Variants in TRHDE observed in about 807,000 individuals in gnomAD.
The protein encoded by TRHDE is thyrotropin-releasing hormone-degrading ectoenzyme.
TRHDE carries 72 observed loss-of-function variants against 125.7 expected under a neutral mutation model. The observed-to-expected ratio is 0.57, with a 90% CI of 0.47 to 0.70. The LOEUF (loss-of-function observed/expected upper bound fraction) is 0.70. TRHDE is among the 30% of genes least tolerant of loss of function. The pLI, the probability that TRHDE is intolerant of heterozygous loss-of-function variation, is 0.00. For missense variants in TRHDE, 1,110 were observed against 1,327.1 expected, an observed-to-expected ratio of 0.84 and a Z score of 2.54; for synonymous variants, 509 against 509.1, an observed-to-expected ratio of 1.00 and a Z score of 0.00.
intron 12 of TRHDE, among the ~76,000 whole-genome samples, chr12:72,593,784 C>G (rs61926612): frequency 6.6e-6 from 1 of 152,082 alleles, no homozygotes; most frequent in Non-Finnish European, 1.5e-5. Flanking sequence ...TCTGTCCTTG[C>G]GACAGTTTGC....
chr12:72,320,373 T>G (rs1415542042), intron 2 of TRHDE, among the ~76,000 whole-genome samples: 1 of 152,180 alleles, frequency 6.6e-6, no homozygotes, highest in Non-Finnish European at 1.5e-5. Context: ...CCTAAAATAA[T>G]GTAAATGTTA....
chr12:72,659,067 CT>C (rs1874814669), intron 18 of TRHDE, among the ~76,000 whole-genome samples: 1 of 152,134 alleles, frequency 6.6e-6, no homozygotes, highest in African/African-American at 2.4e-5. Context: ...ATGACATATT[CT>C]TATTTCCAAG....
intron 12 of TRHDE, among the ~76,000 whole-genome samples, chr12:72,586,197 C>T (rs1441094197): frequency 2.0e-5 from 3 of 152,038 alleles, no homozygotes; most frequent in Non-Finnish European, 4.4e-5. Context: ...TTACACTAGT[C>T]ATAAATATAA....
intron 3 of TRHDE, among the ~76,000 whole-genome samples, chr12:72,393,428 G>A (rs1872678278): frequency 6.6e-6 from 1 of 152,192 alleles, no homozygotes; most frequent in South Asian, 2.1e-4. Context: ...CCTCTGTGTA[G>A]TAGAGCTATC....
chr12:72,383,893 C>G (rs1464385556), intron 3 of TRHDE, among the ~76,000 whole-genome samples: 1 of 151,974 alleles, frequency 6.6e-6, no homozygotes, highest in Non-Finnish European at 1.5e-5. Context: ...ATTCAGAGAT[C>G]AAAATATAGC....
rs376834637 is a variant in TRHDE at position 72,298,145 on chromosome 12, A to G, written c.1188+11191A>G. ...GAAGAGGCTAATAGAAGCTAATAGA[A>G]AGAGCTTGAAGTGAAAAACAAACAA... On this transcript the variant is annotated intron_variant, in intron 2 of 18. Coordinates refer to ENST00000261180, the MANE Select transcript of TRHDE (RefSeq NM_013381.3). Among the ~76,000 whole-genome samples, 8 of 152,206 alleles carry G rather than the reference A, an allele frequency of 5.3e-5. No homozygotes were observed. In the East Asian group the frequency reaches 7.7e-4, roughly 15 times the overall value.
At chr12:72,202,425 T>G (rs1186755666) in intron 2 of TRHDE, among the ~76,000 whole-genome samples, 4 of 152,230 alleles carry the variant, frequency 2.6e-5, no homozygotes, top group Non-Finnish European at 4.4e-5. Context: ...TCTAAATTAA[T>G]TTTTGTTTTT....
chr12:72,382,242 C>T (rs1055246201), intron 3 of TRHDE, among the ~76,000 whole-genome samples: 3 of 151,966 alleles, frequency 2.0e-5, no homozygotes, highest in Admixed American at 1.3e-4. Flanking sequence ...TTAATTGATG[C>T]TAGCAATATG....
chr12:72,241,708 A>G (rs1047451195), intron 2 of TRHDE, among the ~76,000 whole-genome samples: 1 of 152,190 alleles, frequency 6.6e-6, no homozygotes, highest in Non-Finnish European at 1.5e-5. Context: ...TTAACTTCAT[A>G]AGAAGCTGCC....
At chr12:72,265,617 A>G (rs557323631) in intron 2 of TRHDE, among the ~76,000 whole-genome samples, 116 of 151,996 alleles carry the variant, frequency 7.6e-4, no homozygotes, top group Non-Finnish European at 1.5e-3. Context: ...CAGATCTAGT[A>G]CCTGAAGAAA....
intron 2 of TRHDE, among the ~76,000 whole-genome samples, chr12:72,229,756 TA>T (rs1476177734): frequency 3.3e-5 from 5 of 151,948 alleles, no homozygotes; most frequent in African/African-American, 1.2e-4. Context: ...AAGTTATACA[TA>T]AAAAAGGGAG....
At chr12:72,114,727 A>G (rs1301170090) in intron 2 of TRHDE, among the ~76,000 whole-genome samples, 1 of 152,084 alleles carries the variant, frequency 6.6e-6, no homozygotes, top group African/African-American at 2.4e-5. Context: ...AGGCTTATAG[A>G]TCAAATGTGG....
intron 2 of TRHDE, among the ~76,000 whole-genome samples, chr12:72,207,240 T>A (rs1030590490): frequency 2.0e-5 from 3 of 152,220 alleles, no homozygotes; most frequent in Non-Finnish European, 2.9e-5. Flanking sequence ...GCAGGGCTAT[T>A]ACATAAGGTC....
At chr12:72,295,185 T>C (rs1378210512) in intron 2 of TRHDE, among the ~76,000 whole-genome samples, 1 of 150,978 alleles carries the variant, frequency 6.6e-6, no homozygotes, top group Non-Finnish European at 1.5e-5. Flanking sequence ...ACGGGGCTCC[T>C]GCCTGCTCCA....
chr12:72,236,375 A>G (rs1878337813), intron 2 of TRHDE, among the ~76,000 whole-genome samples: 1 of 151,148 alleles, frequency 6.6e-6, no homozygotes, highest in South Asian at 2.1e-4. Context: ...ATAACTATAA[A>G]TACAAAATGC....
At chr12:72,169,678 C>T (rs1449264708) in intron 2 of TRHDE, among the ~76,000 whole-genome samples, 1 of 151,828 alleles carries the variant, frequency 6.6e-6, no homozygotes, top group Non-Finnish European at 1.5e-5. Context: ...AACATGGTGA[C>T]ACCCTGTCTC....
At chr12:72,611,745 C>A (rs1030474779) in intron 12 of TRHDE, among the ~76,000 whole-genome samples, 2 of 152,152 alleles carry the variant, frequency 1.3e-5, no homozygotes, top group Non-Finnish European at 1.5e-5. Context: ...TGTAAGAGTT[C>A]TTTCACTTTA....
chr12:72,318,660 G>T (rs1165151925), intron 2 of TRHDE, among the ~76,000 whole-genome samples: 14 of 152,040 alleles, frequency 9.2e-5, no homozygotes, highest in Non-Finnish European at 2.1e-4. Context: ...AATTCAAACT[G>T]ATCCTTTTTA....
intron 2 of TRHDE, among the ~76,000 whole-genome samples, chr12:72,304,707 T>C (rs1237693728): frequency 6.6e-6 from 1 of 152,178 alleles, no homozygotes; most frequent in Non-Finnish European, 1.5e-5. Flanking sequence ...ATCCCTAAGA[T>C]GGTTACTCTC....
Sources: allele counts gnomAD v4.1 joint callset (sites outside exome capture counted in the v4.1 genomes callset), GRCh38; gene constraint gnomAD v4.1.1; transcripts MANE v1.5; gene names NCBI Gene and HGNC (gene_info 2026-07-23, HGNC 2026-07-21).